Variants in SOX6 observed in about 807,000 individuals in gnomAD.
SOX6 encodes the protein SRY-box transcription factor 6.
A neutral mutation model predicts 97.8 loss-of-function variants in SOX6; 11 were observed. The ratio of observed to expected loss-of-function variants is 0.11; its 90% confidence interval spans 0.07 to 0.19. The LOEUF is 0.19. Ranked by LOEUF, SOX6 falls within the 10% of genes least tolerant of loss-of-function variation. SOX6 has a pLI of 1.00. For synonymous variants in SOX6, 360 were observed against 371.4 expected (o/e 0.97, Z 0.35); for missense variants, 810 against 1,039.5 (o/e 0.78, Z 3.04).
intron 4 of SOX6, among the ~76,000 whole-genome samples, chr11:16,190,212 TAAAAGATACACGTTTA>T: frequency 6.6e-6 from 1 of 152,180 alleles, no homozygotes; most frequent in Non-Finnish European, 1.5e-5. Flanking sequence ...TCTTTGGACT[TAAAAGATACACGTTTA>T]AGAAGAAAAT....
chr11:16,101,498 T>G (rs1205610524), intron 7 of SOX6, among the ~76,000 whole-genome samples: 3 of 151,638 alleles, frequency 2.0e-5, no homozygotes, highest in Admixed American at 6.6e-5. Context: ...TCTGCAGTGT[T>G]TTTTCTACCT....
chr11:16,012,380 C>T (rs1179222630), intron 13 of SOX6, among the ~76,000 whole-genome samples: 1 of 151,918 alleles, frequency 6.6e-6, no homozygotes, highest in East Asian at 1.9e-4. Context: ...GCACTTCGGT[C>T]GGTATTAGAA....
intron 1 of SOX6, among the ~76,000 whole-genome samples, chr11:16,459,875 T>G (rs1859886286): frequency 6.6e-6 from 1 of 151,958 alleles, no homozygotes; most frequent in Non-Finnish European, 1.5e-5. Flanking sequence ...ACATGTATAA[T>G]ATGGAGGGGC....
chr11:16,530,704 G>A (rs1861225640), intron 4 of SOX6, among the ~76,000 whole-genome samples: 2 of 151,910 alleles, frequency 1.3e-5, no homozygotes, highest in Admixed American at 1.3e-4. Flanking sequence ...GCTCCACACT[G>A]ATGAATTGAA....
intron 2 of SOX6, among the ~76,000 whole-genome samples, chr11:16,330,461 G>T (rs779268658): frequency 6.6e-6 from 1 of 152,142 alleles, no homozygotes; most frequent in Non-Finnish European, 1.5e-5. Flanking sequence ...AGAGGCTGAG[G>T]CAGGAGAATC....
intron 3 of SOX6, among the ~76,000 whole-genome samples, chr11:16,303,863 C>A (rs1855338576): frequency 6.6e-6 from 1 of 152,120 alleles, no homozygotes; most frequent in African/African-American, 2.4e-5. Flanking sequence ...CTAAGCATAT[C>A]ATTTTATTTG....
In SOX6 at chr11:16,049,902, G is replaced by T. The variant is rs764944784; in HGVS notation, c.1288C>A (p.Arg430=). 8 of 1,613,508 alleles carry T rather than the reference G, an allele frequency of 5.0e-6. No individual in the cohort carries two copies. Among genetic ancestry groups the T allele is most frequent in the Non-Finnish European group, 6.8e-6 (8 of 1,179,750 alleles). The change falls in exon 11 of 16, where the codon CGA becomes AGA. Residue 430 remains arginine, a synonymous_variant. Transcript: ENST00000683767. ...TTTACAGGCTCTGCTGTCTTGGGTC[G>T]GGATGAGAGATTCAGAGGCTGTGCT... ...AAAQPLNLSS[R]PKTAEPVKSP...
chr11:16,435,068 T>G (rs2133079948), intron 1 of SOX6, among the ~76,000 whole-genome samples: 1 of 152,330 alleles, frequency 6.6e-6, no homozygotes, highest in Non-Finnish European at 1.5e-5. Context: ...AGAGCTCATC[T>G]GCACTGCCAA....
intron 3 of SOX6, among the ~76,000 whole-genome samples, chr11:16,639,837 C>A (rs1255247419): frequency 2.0e-5 from 3 of 152,140 alleles, no homozygotes; most frequent in Non-Finnish European, 4.4e-5. Context: ...TCTAGATATA[C>A]AATCATGTCA....
chr11:16,620,762 C>A (rs998146562), intron 3 of SOX6, among the ~76,000 whole-genome samples: 3 of 152,042 alleles, frequency 2.0e-5, no homozygotes. Flanking sequence ...AAATGAAGTA[C>A]CAACCCACCT....
chr11:16,303,528 A>T (rs2134277645), intron 3 of SOX6, among the ~76,000 whole-genome samples: 1 of 152,332 alleles, frequency 6.6e-6, no homozygotes, highest in African/African-American at 2.4e-5. Context: ...GCTGTATAGT[A>T]TGCCTTAATA....
intron 1 of SOX6, among the ~76,000 whole-genome samples, chr11:16,444,918 T>C (rs1215749057): frequency 6.6e-6 from 1 of 152,224 alleles, no homozygotes; most frequent in African/African-American, 2.4e-5. Flanking sequence ...CAGTTACTTG[T>C]GACCAAAAAG....
chr11:16,518,897 T>C (rs921674861), intron 4 of SOX6, among the ~76,000 whole-genome samples: 2 of 152,208 alleles, frequency 1.3e-5, no homozygotes, highest in Non-Finnish European at 1.5e-5. Context: ...AAAACCTCTA[T>C]TTCTCAAACT....
chr11:15,986,502 C>T, intron 14 of SOX6, 82 bp from the exon 15 acceptor site: 2 of 1,332,486 alleles, frequency 1.5e-6, no homozygotes, highest in Non-Finnish European at 2.1e-6. Flanking sequence ...ACCTTCCCAT[C>T]ACTTCACTCA....
intron 15 of SOX6, among the ~76,000 whole-genome samples, chr11:15,978,939 A>G (rs1853579609): frequency 2.2e-5 from 3 of 139,042 alleles, no homozygotes; most frequent in Non-Finnish European, 3.1e-5. Flanking sequence ...TATTATATAT[A>G]AAATAAGCAT....
intron 1 of SOX6, among the ~76,000 whole-genome samples, chr11:16,390,038 C>T (rs908591251): frequency 6.8e-6 from 1 of 146,166 alleles, no homozygotes; most frequent in Non-Finnish European, 1.5e-5. Context: ...TTTTGTCTTA[C>T]CTGCAGTAAG....
chr11:16,192,434 C>T (rs1851656684), intron 4 of SOX6, among the ~76,000 whole-genome samples: 2 of 151,598 alleles, frequency 1.3e-5, no homozygotes, highest in South Asian at 4.2e-4. Flanking sequence ...TTTTGAGTCT[C>T]AATAGGAAGT....
chr11:16,267,975 A>G (rs1050193089), intron 3 of SOX6, among the ~76,000 whole-genome samples: 11 of 151,552 alleles, frequency 7.3e-5, no homozygotes, highest in Non-Finnish European at 1.5e-4. Flanking sequence ...TTTCACTTAT[A>G]TGTGGAATTT....
intron 13 of SOX6, among the ~76,000 whole-genome samples, chr11:15,989,931 C>T (rs1853995298): frequency 6.6e-6 from 1 of 151,912 alleles, no homozygotes; most frequent in Non-Finnish European, 1.5e-5. Context: ...CAAAAAAGCA[C>T]CAGATAGAAT....
Sources: allele counts gnomAD v4.1 joint callset (sites outside exome capture counted in the v4.1 genomes callset), GRCh38; gene constraint gnomAD v4.1.1; transcripts MANE v1.5; gene names NCBI Gene and HGNC (gene_info 2026-07-23, HGNC 2026-07-21).